Variants in OTOF observed in about 807,000 individuals in gnomAD.
The protein encoded by OTOF is fer-1-like family member 2.
OTOF carries 218 observed loss-of-function variants against 236.8 expected under a neutral mutation model. The observed-to-expected ratio is 0.92, with a 90% CI of 0.82 to 1.03. OTOF has a LOEUF of 1.03. Among genes scored for constraint, OTOF ranks in the 50% least tolerant of loss-of-function variants. OTOF has a pLI of 0.00. For synonymous variants in OTOF, 1,041 were observed against 1,072.5 expected (o/e 0.97, Z 0.57); for missense variants, 2,590 against 2,694.4 (o/e 0.96, Z 0.86).
intron 3 of OTOF, among the ~76,000 whole-genome samples, chr2:26,521,944 C>T (rs1666686244): frequency 6.6e-6 from 1 of 152,224 alleles, no homozygotes; most frequent in South Asian, 2.1e-4. Flanking sequence ...CCCCTCCTCC[C>T]TCCCTAATAA....
chr2:26,468,333 G>A, intron 33 of OTOF, 75 bp downstream of exon 33: 2 of 1,064,302 alleles, frequency 1.9e-6, no homozygotes, highest in Admixed American at 1.7e-5. Flanking sequence ...AGAGAAGCAG[G>A]TGATGAGGTG....
chr2:26,473,050 C>G lies in OTOF; in HGVS notation c.3733+82G>C. 3 of 1,440,546 alleles carry G rather than the reference C, an allele frequency of 2.1e-6. No individual in the cohort carries two copies. In the South Asian group the frequency reaches 3.6e-5, roughly 17 times the overall value. The allele number at this position is 1,440,546 out of a possible 1,614,324, so 89.2% of individuals were successfully genotyped here. On this transcript the variant is annotated intron_variant, in intron 29 of 46. Coordinates refer to ENST00000272371, the MANE Select transcript of OTOF (RefSeq NM_194248.3). This position sits in a 1 kb window ranked among gnomAD's most constrained non-coding sequence, Gnocchi z 7.2. ...GGCCCCAAAGAGCAAACTCTGGTCG[C>G]GGCTTGGACTGGGCGGAGACCTGGA...
At chr2:26,520,833 AC>A (rs1666659819) in intron 3 of OTOF, among the ~76,000 whole-genome samples, 2 of 152,146 alleles carry the variant, frequency 1.3e-5, no homozygotes, top group South Asian at 2.1e-4. Context: ...TTGCAGCCTC[AC>A]CCCTTTTTGT....
chr2:26,530,330 A>C (rs766748561), intron 2 of OTOF, among the ~76,000 whole-genome samples: 35 of 152,196 alleles, frequency 2.3e-4, no homozygotes, highest in Admixed American at 5.9e-4. Flanking sequence ...GTCGGGGGAC[A>C]GGGAGGGCAC....
At chr2:26,521,870 C>T (rs1032198083) in intron 3 of OTOF, among the ~76,000 whole-genome samples, 4 of 152,232 alleles carry the variant, frequency 2.6e-5, no homozygotes, top group Non-Finnish European at 1.5e-5. Flanking sequence ...CGACTTCCAC[C>T]GGACAGTGGT....
intron 1 of OTOF, among the ~76,000 whole-genome samples, chr2:26,554,040 G>A (rs576096874): frequency 1.6e-4 from 25 of 152,022 alleles, no homozygotes; most frequent in African/African-American, 5.5e-4. Context: ...GCATGGTGGC[G>A]TGTGCCTGTA....
rs751431367 is a variant in OTOF, at chr2:26,483,506, C to T, written c.1348G>A (p.Asp450Asn). The T allele has an allele frequency of 6.2e-7, 1 of 1,614,000 alleles. No individual in the cohort carries two copies. The highest frequency in any genetic ancestry group is 8.5e-7 in the Non-Finnish European group (1 of 1,180,024). The change falls in exon 13 of 47, where the codon GAC becomes AAC. Residue 450 changes from aspartate (D) to asparagine (N), a missense_variant. Asp to Asn is a conservative substitution (Grantham distance 23, BLOSUM62 1). Transcript: ENST00000272371. The part of the protein sequence containing the change: ...VKKAFIGENK[D>N]LVDPYVQVFF... The stretch of plus-strand genomic sequence containing the variant: ...ACTTGCACGTAGGGGTCCACGAGGT[C>T]CTTGTTTTCACCGATGAAAGCCTTC...
chr2:26,501,578 A>G (rs575700255), intron 8 of OTOF, among the ~76,000 whole-genome samples, 176 bp downstream of exon 8: 1 of 152,274 alleles, frequency 6.6e-6, no homozygotes, highest in South Asian at 2.1e-4. Context: ...CTCTCTACTG[A>G]TGATACTTCT....
At position 26,537,789 on chromosome 2, in the gene OTOF, G is replaced by A. The variant is rs1487527833; in HGVS notation, c.80-15C>T. On this transcript the variant is annotated splice_polypyrimidine_tract_variant and intron_variant, in intron 1 of 46. Transcript: ENST00000272371. ...GAAGGATTGCCCTGTGGGGAAAGAGGAAATAAATTCTAGGGTCAGAGCTGT... is the reference window on the plus strand; with the variant it reads ...GAAGGATTGCCCTGTGGGGAAAGAGAAAATAAATTCTAGGGTCAGAGCTGT... The A allele has an allele frequency of 2.6e-5, 40 of 1,546,738 alleles. No individual in the cohort carries two copies. The East Asian group carries it at 9.8e-4, about 38-fold the overall frequency.
At chr2:26,557,446 C>A (rs1045757126) in intron 1 of OTOF, among the ~76,000 whole-genome samples, 6 of 152,198 alleles carry the variant, frequency 3.9e-5, no homozygotes, top group Non-Finnish European at 8.8e-5. Flanking sequence ...CAGCCTGGCC[C>A]TGCCTTTCCC....
Position 26,461,566 on chromosome 2 carries a change from C to A in OTOF, c.5533+130G>T. On this transcript the variant is annotated intron_variant, in intron 43 of 46. Transcript: ENST00000272371. The surrounding 1 kb of genome is among the most constrained non-coding windows in gnomAD (Gnocchi z 6.2). ...GGGGGCGGAACCCCGTCGGACACCCCTGGCTCTGATGGACTGGAAGCAATG... is the reference window on the plus strand; with the variant it reads ...GGGGGCGGAACCCCGTCGGACACCCATGGCTCTGATGGACTGGAAGCAATG... 1 of 1,317,480 alleles carries A rather than the reference C, an allele frequency of 7.6e-7. No individual in the cohort carries two copies. The highest frequency in any genetic ancestry group is 1.1e-6 in the Non-Finnish European group (1 of 941,560). The allele number at this position is 1,317,480 out of a possible 1,614,324, so 81.6% of individuals were successfully genotyped here.
chr2:26,475,815 C>T, intron 24 of OTOF, 99 bp downstream of exon 24: 3 of 1,458,114 alleles, frequency 2.1e-6, no homozygotes, highest in Non-Finnish European at 2.8e-6. Flanking sequence ...TGGCTCCAGG[C>T]CCCACAGGCT....
intron 13 of OTOF, 138 bp downstream of exon 13, chr2:26,483,324 T>A (rs968549781): frequency 7.6e-6 from 6 of 792,748 alleles, no homozygotes; most frequent in Non-Finnish European, 1.3e-5. Flanking sequence ...GCAGTGAGGA[T>A]CCTCTAAGTC....
At chr2:26,537,694 G>T (rs371253935) in intron 2 of OTOF, 22 bp downstream of exon 2, 17 of 1,542,052 alleles carry the variant, frequency 1.1e-5, no homozygotes, top group African/African-American at 6.9e-5. Flanking sequence ...GCTGAGGGAG[G>T]GGGGAGTCTT....
rs560125081 is a variant in OTOF, at chr2:26,465,996, G to A, written c.4581C>T (p.Arg1527=). The A allele has an allele frequency of 5.5e-5, 88 of 1,614,134 alleles. No homozygotes were observed. Among genetic ancestry groups the A allele is most frequent in the Middle Eastern group, 1.6e-4 (1 of 6,084 alleles). Residue 1527 remains arginine, a synonymous_variant, in exon 37 of 47, where the codon CGC becomes CGT. Transcript: ENST00000272371. ...GCTTGGAGATGTAGTTCTCCTTGTC[G>A]CGGATGTCAGTCTTGCCTAGCCGGA... ...IAIRLGKTDI[R]DKENYISKQL...
chr2:26,467,287 T>G, intron 34 of OTOF, 54 bp from the exon 35 acceptor site: 41 of 1,613,910 alleles, frequency 2.5e-5, no homozygotes, highest in Non-Finnish European at 3.4e-5. Context: ...GCTTTTGTCC[T>G]GCCCCACCTG....
At chr2:26,486,413 G>A (rs1665702536) in intron 11 of OTOF, among the ~76,000 whole-genome samples, 2 of 151,768 alleles carry the variant, frequency 1.3e-5, no homozygotes, top group African/African-American at 4.8e-5. Context: ...TGGATCTGTG[G>A]ACAGGTGGGT....
chr2:26,480,847 G>C lies in OTOF; in HGVS notation c.1742C>G (p.Ser581Cys), dbSNP rs1665519630. 6.2e-7 allele frequency: 1 copy of C among 1,612,962 alleles called. No individual in the cohort carries two copies. The highest frequency in any genetic ancestry group is 2.2e-5 in the East Asian group (1 of 44,866). The change falls in exon 15 of 47, where the codon TCC (serine) becomes TGC (cysteine). Residue 581 changes from serine to cysteine, a missense_variant. Physicochemically the swap from Ser to Cys is moderately radical, Grantham distance 112. Coordinates refer to ENST00000272371, the MANE Select transcript of OTOF (RefSeq NM_194248.3). ...LGLAVEIVDT[S>C]NPELTSSTEV... Reference sequence around the variant, plus strand: ...TGTGGAGCTGGTGAGCTCAGGGTTGGAGGTGTCTACGATCTCCACAGCCAG... The same window carrying C: ...TGTGGAGCTGGTGAGCTCAGGGTTGCAGGTGTCTACGATCTCCACAGCCAG...
intron 1 of OTOF, among the ~76,000 whole-genome samples, chr2:26,547,828 G>T (rs888076782): frequency 6.6e-6 from 1 of 152,080 alleles, no homozygotes; most frequent in Non-Finnish European, 1.5e-5. Flanking sequence ...GTGACAGTGC[G>T]AGACTCCATC....
Sources: gnomAD v4.1 joint callset for allele counts (sites outside exome capture counted in the v4.1 genomes callset) on GRCh38, gnomAD v4.1.1 for gene constraint, Gnocchi (gnomAD v3.1) non-coding constraint, MANE v1.5 for transcripts, NCBI Gene and HGNC (gene_info 2026-07-23, HGNC 2026-07-21) for gene names.